The following PPP1R1C variants were observed in gnomAD, a reference collection of about 807,000 sequenced individuals.
The protein encoded by PPP1R1C is protein phosphatase 1 regulatory inhibitor subunit 1C.
Under a neutral mutation model 17.4 loss-of-function variants are expected in PPP1R1C, and 15 were observed. That is an observed-to-expected ratio of 0.86 (90% CI 0.58 to 1.33). The LOEUF (loss-of-function observed/expected upper bound fraction) is 1.33, where lower values mean the gene tolerates loss of function less well. Among genes scored for constraint, PPP1R1C ranks in the 40% most tolerant of loss-of-function variants. The pLI is 0.00. For missense variants in PPP1R1C, 143 were observed against 130.0 expected, an observed-to-expected ratio of 1.10 and a Z score of -0.48; for synonymous variants, 35 against 43.1, an observed-to-expected ratio of 0.81 and a Z score of 0.73.
At chr2:181,964,560 G>A (rs113464495) in intron 1 of PPP1R1C, among the ~76,000 whole-genome samples, 37 of 152,228 alleles carry the variant, frequency 2.4e-4, no homozygotes, top group Middle Eastern at 3.4e-3. Context: ...CTCCATAGTG[G>A]CTATACTAAT....
chr2:182,024,391 A>T (rs1481284429), intron 2 of PPP1R1C, among the ~76,000 whole-genome samples: 1 of 152,194 alleles, frequency 6.6e-6, no homozygotes, highest in African/African-American at 2.4e-5. Context: ...ACTAATTTTT[A>T]AAATATTTCA....
Position 182,076,197 on chromosome 2 carries a change from C to CTTTTTTTTTTTTTTTTTTTTTTTTTTTTT in PPP1R1C, c.241+12419_241+12447dup, listed in dbSNP as rs1165789924. On this transcript the variant is annotated intron_variant, in intron 4 of 4. Coordinates refer to ENST00000682840, the MANE Select transcript of PPP1R1C (RefSeq NM_001080545.3). ...GATTTTGAACTTTTTTTTTTCTTTT[C>CTTTTTTTTTTTTTTTTTTTTTTTTTTTTT]TTTTTTTTTTTTTTTTTTTTTTTTT... Among the ~76,000 whole-genome samples the CTTTTTTTTTTTTTTTTTTTTTTTTTTTTT allele has an allele frequency of 3.1e-4, 8 of 25,864 alleles. 2 individuals are homozygous for CTTTTTTTTTTTTTTTTTTTTTTTTTTTTT. The highest frequency in any genetic ancestry group is 4.3e-4 in the African/African-American group (2 of 4,690). 17.0% of individuals were successfully genotyped at this position (25,864 alleles called of 152,430 possible). A position where few individuals can be genotyped will look rare whatever the true frequency, so the allele number is the denominator to read the frequency against.
At chr2:182,001,502 C>A (rs1221060643) in intron 2 of PPP1R1C, among the ~76,000 whole-genome samples, 1 of 152,112 alleles carries the variant, frequency 6.6e-6, no homozygotes, top group African/African-American at 2.4e-5. Context: ...GAGTCCAATT[C>A]AATGCCATCA....
At chr2:182,057,757 T>C (rs1687729712) in intron 2 of PPP1R1C, among the ~76,000 whole-genome samples, 1 of 152,172 alleles carries the variant, frequency 6.6e-6, no homozygotes, top group South Asian at 2.1e-4. Flanking sequence ...ATAACACTTT[T>C]AAATGATATT....
At chr2:182,093,342 G>T (rs771454187) in intron 4 of PPP1R1C, among the ~76,000 whole-genome samples, 1 of 152,078 alleles carries the variant, frequency 6.6e-6, no homozygotes, top group Non-Finnish European at 1.5e-5. Context: ...CCTGGCCCAC[G>T]AAACCACTTT....
At chr2:182,107,932 A>C (rs193072761) in intron 4 of PPP1R1C, among the ~76,000 whole-genome samples, 1 of 151,026 alleles carries the variant, frequency 6.6e-6, no homozygotes, top group South Asian at 2.1e-4. Flanking sequence ...TCTAACAGCA[A>C]CTCCTTCAGT....
chr2:182,061,537 T>C, intron 3 of PPP1R1C, 58 bp downstream of exon 3: 1 of 1,094,138 alleles, frequency 9.1e-7, no homozygotes, highest in South Asian at 1.9e-5. Context: ...AATGCAAAAA[T>C]TTGCTTGATT....
intron 2 of PPP1R1C, among the ~76,000 whole-genome samples, chr2:182,018,281 TAAGG>T (rs1384648830): frequency 2.6e-5 from 4 of 152,154 alleles, no homozygotes; most frequent in Non-Finnish European, 4.4e-5. Context: ...CAAACTAGTT[TAAGG>T]AAACAAGACA....
intron 2 of PPP1R1C, among the ~76,000 whole-genome samples, chr2:182,015,095 C>G (rs182238009): frequency 1.3e-5 from 2 of 152,254 alleles, no homozygotes; most frequent in East Asian, 3.9e-4. Flanking sequence ...TTAGTCTTCC[C>G]TCTCCTTTCT....
intron 1 of PPP1R1C, among the ~76,000 whole-genome samples, chr2:181,972,416 T>G (rs1685026463): frequency 6.6e-6 from 1 of 152,210 alleles, no homozygotes; most frequent in African/African-American, 2.4e-5. Context: ...AGCATCTTGT[T>G]TCTTTGGAGG....
At position 182,029,415 on chromosome 2, in the gene PPP1R1C, C is replaced by G. The variant is rs556067804; in HGVS notation, c.143-32027C>G. 2.6e-5 allele frequency among the ~76,000 whole-genome samples: 4 copies of G among 151,926 alleles called. No homozygotes were observed. The South Asian group carries it at 8.3e-4, about 32-fold the overall frequency. On this transcript the variant is annotated intron_variant, in intron 2 of 4. Transcript: ENST00000682840. The stretch of plus-strand genomic sequence containing the variant: ...TCTTTTAGGGCAGGCCTGGTGGTGA[C>G]CAAATCTCTCAGCATTTGCTTGTCT...
At chr2:182,130,334 T>G (rs535697667), downstream of PPP1R1C, 1 of 152,264 alleles carries the variant, frequency 6.6e-6, no homozygotes. Flanking sequence ...CCTGCGGAAT[T>G]GTGGATTATG....
chr2:182,075,575 A>G (rs904775749), intron 4 of PPP1R1C, among the ~76,000 whole-genome samples: 2 of 152,254 alleles, frequency 1.3e-5, no homozygotes, highest in African/African-American at 4.8e-5. Flanking sequence ...GCAGAAACAC[A>G]TAAAATTTAC....
intron 4 of PPP1R1C, among the ~76,000 whole-genome samples, chr2:182,109,484 A>C (rs534538863): frequency 6.6e-6 from 1 of 152,220 alleles, no homozygotes. Context: ...TGTGTTTTAC[A>C]TTGAAGTCTG....
At chr2:182,085,692 A>G (rs973048415) in intron 4 of PPP1R1C, among the ~76,000 whole-genome samples, 5 of 152,326 alleles carry the variant, frequency 3.3e-5, no homozygotes, top group African/African-American at 9.6e-5. Flanking sequence ...TGCTCTGGCT[A>G]TACAACAGAA....
chr2:182,099,428 G>A (rs1298170296), intron 4 of PPP1R1C, among the ~76,000 whole-genome samples: 1 of 152,196 alleles, frequency 6.6e-6, no homozygotes, highest in Non-Finnish European at 1.5e-5. Context: ...GCCCCCACAA[G>A]ACAGGTTAGC....
At chr2:181,966,500 AT>A (rs2125132260) in intron 1 of PPP1R1C, among the ~76,000 whole-genome samples, 1 of 152,202 alleles carries the variant, frequency 6.6e-6, no homozygotes, top group African/African-American at 2.4e-5. Context: ...TTTTTTTAGT[AT>A]TTTTTTTCAT....
chr2:181,961,579 C>T lies in PPP1R1C; in HGVS notation n.111+6945C>T, dbSNP rs532547978. 18 of 746,224 alleles carry T rather than the reference C, an allele frequency of 2.4e-5. 1 individual carries two copies. Among genetic ancestry groups the T allele is most frequent in the South Asian group, 5.8e-5 (4 of 68,494 alleles). 46.2% of individuals were successfully genotyped at this position (746,224 alleles called of 1,614,324 possible). On this transcript the variant is annotated intron_variant and non_coding_transcript_variant, in intron 1 of 5. Transcript: ENST00000464264. The surrounding 1 kb of genome is among the most constrained non-coding windows in gnomAD (Gnocchi z 5.8). ...GTCCATCTTTAAGGACTGGACTGTACGTCTCAGCTCCGTGAGCGTCATCTC... is the reference window on the plus strand; with the variant it reads ...GTCCATCTTTAAGGACTGGACTGTATGTCTCAGCTCCGTGAGCGTCATCTC...
chr2:182,041,999 TG>T (rs1013056037), intron 2 of PPP1R1C, among the ~76,000 whole-genome samples: 3 of 152,230 alleles, frequency 2.0e-5, no homozygotes, highest in Admixed American at 1.3e-4. Context: ...TCTGGTAATC[TG>T]GGTCAGTCAT....
Sources: allele counts gnomAD v4.1 joint callset (sites outside exome capture counted in the v4.1 genomes callset), GRCh38; gene constraint gnomAD v4.1.1; non-coding constraint Gnocchi (gnomAD v3.1); transcripts MANE v1.5; gene names NCBI Gene and HGNC (gene_info 2026-07-23, HGNC 2026-07-21).